SERTM2: variants seen among roughly 807,000 people sequenced by gnomAD.
SERTM2 encodes the protein serine rich and transmembrane domain containing 2, also known as serine-rich and transmembrane domain-containing protein 2.
Position 111,512,029 on chromosome X carries a change from T to C in SERTM2, c.-849T>C. 1 of 296,738 alleles carries C rather than the reference T, an allele frequency of 3.4e-6. No homozygotes were observed. The highest frequency in any genetic ancestry group is 5.9e-6 in the Non-Finnish European group (1 of 169,556). 24.5% of individuals were successfully genotyped at this position (296,738 alleles called of 1,213,427 possible). On this transcript the variant is annotated 5_prime_UTR_variant, in exon 2 of 3. Coordinates refer to ENST00000569275, the MANE Select transcript of SERTM2 (RefSeq NM_001354473.2). ...CAGAGATGTTCCTGAACAAGTTACC[T>C]GTTGGTGAAAGCTTCAAAAGGGATA... is the stretch of plus-strand genomic sequence containing the variant.
At position 111,520,398 on chromosome X, in the gene SERTM2, C is replaced by T. The variant is rs774073080; in HGVS notation, c.*1268C>T. 1.8e-5 allele frequency: 2 copies of T among 111,540 alleles called. No individual in the cohort carries two copies. Among genetic ancestry groups the T allele is most frequent in the Middle Eastern group, 4.6e-3 (1 of 216 alleles). The allele number at this position is 111,540 out of a possible 1,213,427, so 9.2% of individuals were successfully genotyped here. A position where few individuals can be genotyped will look rare whatever the true frequency, so the allele number is the denominator to read the frequency against. ...TCTTGCCACCAAAGGACGAGTACAC[C>T]TGTGTTAAATTTTACTTGCTAAAAC... is the stretch of plus-strand genomic sequence containing the variant. On this transcript the variant is annotated 3_prime_UTR_variant, in exon 3 of 3. Coordinates refer to ENST00000569275, the MANE Select transcript of SERTM2 (RefSeq NM_001354473.2).
rs1930398148 is a variant in SERTM2 at position 111,520,733 on chromosome X, T to G, written c.*1603T>G. 8.9e-6 allele frequency: 1 copy of G among 112,398 alleles called. No homozygotes were observed. The highest frequency in any genetic ancestry group is 1.9e-5 in the Non-Finnish European group (1 of 53,291). 9.3% of individuals were successfully genotyped at this position (112,398 alleles called of 1,213,427 possible). On this transcript the variant is annotated 3_prime_UTR_variant, in exon 3 of 3. Coordinates refer to ENST00000569275, the MANE Select transcript of SERTM2 (RefSeq NM_001354473.2). The stretch of plus-strand genomic sequence containing the variant: ...GCAGAGCTAAACTTAGCAGTAAGAC[T>G]GACTCTGCCACACCTGTTACAACTG...
intron 2 of SERTM2, among the ~76,000 whole-genome samples, chrX:111,515,533 G>A (rs1383541911): frequency 9.0e-6 from 1 of 111,512 alleles, no homozygotes; most frequent in Non-Finnish European, 1.9e-5. Flanking sequence ...TTTGTAGACT[G>A]GTGTTTCTCA....
chrX:111,517,130 C>A (rs1022954640), intron 2 of SERTM2, among the ~76,000 whole-genome samples: 3 of 111,189 alleles, frequency 2.7e-5, no homozygotes, highest in African/African-American at 9.8e-5. Flanking sequence ...AATAGGCATA[C>A]CCTCTCAATT....
At chrX:111,512,717 A>T (rs1930249509) in intron 2 of SERTM2, among the ~76,000 whole-genome samples, 1 of 111,751 alleles carries the variant, frequency 8.9e-6, no homozygotes, top group South Asian at 3.7e-4. Context: ...CTCTTGCTAC[A>T]AATAAGTTTC....
chrX:111,515,550 G>A lies in SERTM2; in HGVS notation c.-783-2525G>A, dbSNP rs141834158. Reference sequence around the variant, plus strand: ...TGTAGACTGGTGTTTCTCAGCCCTGGCTGCATATCAAAATCACCTGTGGAG... The same window carrying A: ...TGTAGACTGGTGTTTCTCAGCCCTGACTGCATATCAAAATCACCTGTGGAG... On this transcript the variant is annotated intron_variant, in intron 2 of 2. Transcript: ENST00000569275. Among the ~76,000 whole-genome samples, 7 of 111,641 alleles carry A rather than the reference G, an allele frequency of 6.3e-5. No individual in the cohort carries two copies. The South Asian group carries it at 2.3e-3, about 36-fold the overall frequency.
intron 2 of SERTM2, among the ~76,000 whole-genome samples, chrX:111,515,972 A>C (rs1370108957): frequency 9.0e-6 from 1 of 110,534 alleles, no homozygotes; most frequent in East Asian, 2.9e-4. Flanking sequence ...CTGCCATAAA[A>C]AATTGTATAA....
intron 2 of SERTM2, among the ~76,000 whole-genome samples, chrX:111,516,431 T>C (rs1258558720): frequency 9.1e-6 from 1 of 109,939 alleles, no homozygotes; most frequent in Non-Finnish European, 1.9e-5. Context: ...GCTGTATTCT[T>C]TAGCTGGGCT....
rs1042345876 is a variant in SERTM2, at chrX:111,520,059, A to G, written c.*929A>G. 1.8e-5 allele frequency: 2 copies of G among 111,145 alleles called. No individual in the cohort carries two copies. The highest frequency in any genetic ancestry group is 6.5e-5 in the African/African-American group (2 of 30,568). The allele number at this position is 111,145 out of a possible 1,213,427, so 9.2% of individuals were successfully genotyped here. On this transcript the variant is annotated 3_prime_UTR_variant, in exon 3 of 3. Transcript: ENST00000569275. ...CACTATACTCTTTAGATCTGAGCAT[A>G]AAAAAAAGAGAGAGAGACAAAGGAG... is the stretch of plus-strand genomic sequence containing the variant.
At chrX:111,512,307 TTC>T (rs974034265) in intron 2 of SERTM2, among the ~76,000 whole-genome samples, 2 of 111,908 alleles carry the variant, frequency 1.8e-5, no homozygotes, top group African/African-American at 6.5e-5. Flanking sequence ...CTAGACACAC[TTC>T]TCTCTCTCAG....
intron 2 of SERTM2, among the ~76,000 whole-genome samples, chrX:111,516,016 T>C (rs1289718948): frequency 1.8e-5 from 2 of 109,571 alleles, no homozygotes; most frequent in Non-Finnish European, 3.8e-5. Context: ...AATTTATTCT[T>C]TCAGGCCTGG....
At chrX:111,512,118 C>T (rs1043958777) in intron 2 of SERTM2, 24 bp downstream of exon 2, 7 of 293,455 alleles carry the variant, frequency 2.4e-5, no homozygotes, top group Middle Eastern at 9.0e-4. Flanking sequence ...GGAAATATTA[C>T]GATGTTAATC....
At chrX:111,517,144 T>C (rs1454637618) in intron 2 of SERTM2, among the ~76,000 whole-genome samples, 1 of 111,297 alleles carries the variant, frequency 9.0e-6, no homozygotes, top group East Asian at 2.9e-4. Flanking sequence ...CTCAATTCCT[T>C]CTGGTCTATA....
In SERTM2 at chrX:111,518,615, G is replaced by A; in HGVS notation, c.-243G>A. Reference sequence around the variant, plus strand: ...ACTTGTATTTTTAAAAATTGATTAAGAAGCTCTGATAAAACCTATTGGAGG... The same window carrying A: ...ACTTGTATTTTTAAAAATTGATTAAAAAGCTCTGATAAAACCTATTGGAGG... On this transcript the variant is annotated 5_prime_UTR_variant, in exon 3 of 3. Coordinates refer to ENST00000569275, the MANE Select transcript of SERTM2 (RefSeq NM_001354473.2). The A allele has an allele frequency of 6.9e-6, 2 of 287,845 alleles. No homozygotes were observed. Among genetic ancestry groups the A allele is most frequent in the Non-Finnish European group, 1.2e-5 (2 of 164,274 alleles). The allele number at this position is 287,845 out of a possible 1,213,427, so 23.7% of individuals were successfully genotyped here.
intron 2 of SERTM2, among the ~76,000 whole-genome samples, chrX:111,515,546 C>T (rs1159202932): frequency 9.0e-6 from 1 of 111,483 alleles, no homozygotes; most frequent in Non-Finnish European, 1.9e-5. Context: ...GTTTCTCAGC[C>T]CTGGCTGCAT....
chrX:111,512,486 A>C (rs1055754763), intron 2 of SERTM2, among the ~76,000 whole-genome samples: 10 of 112,048 alleles, frequency 8.9e-5, no homozygotes, highest in Non-Finnish European at 1.3e-4. Flanking sequence ...GGTGTCATGC[A>C]GAAAAATGTA....
Position 111,518,694 on chromosome X carries a change from A to C in SERTM2, c.-164A>C. 3.4e-6 allele frequency: 1 copy of C among 294,986 alleles called. No homozygotes were observed. The highest frequency in any genetic ancestry group is 5.9e-6 in the Non-Finnish European group (1 of 169,016). The allele number at this position is 294,986 out of a possible 1,213,427, so 24.3% of individuals were successfully genotyped here. On this transcript the variant is annotated 5_prime_UTR_variant, in exon 3 of 3. Transcript: ENST00000569275. Reference sequence around the variant, plus strand: ...GGTGTTGCAATTGTCAAATAGCATCACCATTTTCTGCTTGTGTGCTATTGC... The same window carrying C: ...GGTGTTGCAATTGTCAAATAGCATCCCCATTTTCTGCTTGTGTGCTATTGC...
chrX:111,512,201 C>G (rs1930238863), intron 2 of SERTM2, 107 bp downstream of exon 2: 1 of 284,529 alleles, frequency 3.5e-6, no homozygotes, highest in African/African-American at 2.7e-5. Flanking sequence ...GCAGAAGATA[C>G]AGCAACTCCT....
At position 111,521,251 on chromosome X, in the gene SERTM2, G is replaced by A. The variant is rs1015628437; in HGVS notation, c.*2121G>A. ...AAAACTGCTTTTTAAGCACTGACTT[G>A]GATGAAGATTTCTAATTTATGATTA... On this transcript the variant is annotated 3_prime_UTR_variant, in exon 3 of 3. Coordinates refer to ENST00000569275, the MANE Select transcript of SERTM2 (RefSeq NM_001354473.2). 13 of 111,558 alleles carry A rather than the reference G, an allele frequency of 1.2e-4. No homozygotes were observed. Among genetic ancestry groups the A allele is most frequent in the African/African-American group, 4.2e-4 (13 of 30,670 alleles). The allele number at this position is 111,558 out of a possible 1,213,427, so 9.2% of individuals were successfully genotyped here.
Sources: gnomAD v4.1 joint callset for allele counts (sites outside exome capture counted in the v4.1 genomes callset) on GRCh38, gnomAD v4.1.1 for gene constraint, MANE v1.5 for transcripts, NCBI Gene and HGNC (gene_info 2026-07-23, HGNC 2026-07-21) for gene names.